The following PLCG2 variants were observed in gnomAD, a reference collection of about 807,000 sequenced individuals.
The protein encoded by PLCG2 is phospholipase C gamma 2.
In PLCG2, 69 loss-of-function variants were observed where a neutral mutation model predicts 175.6. The ratio of observed to expected loss-of-function variants is 0.39; its 90% confidence interval spans 0.32 to 0.48. The LOEUF (loss-of-function observed/expected upper bound fraction) is 0.48. Ranked by LOEUF, PLCG2 falls within the 20% of genes least tolerant of loss-of-function variation. The pLI is 0.91. For synonymous variants in PLCG2, 827 were observed against 624.0 expected (o/e 1.33, Z -4.85); for missense variants, 1,798 against 1,650.9 (o/e 1.09, Z -1.54).
In PLCG2 at chr16:81,959,092, T is replaced by C. The variant is rs190537581; in HGVS notation, c.*1094T>C. ...TACATACCAATAATGTAATATGGCT[T>C]TTTAAAGGAGAGGAGAGTGCTGGGT... On this transcript the variant is annotated 3_prime_UTR_variant, in exon 33 of 33. Coordinates refer to ENST00000564138, the MANE Select transcript of PLCG2 (RefSeq NM_002661.5). The C allele has an allele frequency of 1.4e-3, 314 of 223,478 alleles. No individual in the cohort carries two copies. The highest frequency in any genetic ancestry group is 6.7e-3 in the African/African-American group (300 of 44,892). 13.8% of individuals were successfully genotyped at this position (223,478 alleles called of 1,614,324 possible). A position where few individuals can be genotyped will look rare whatever the true frequency, so the allele number is the denominator to read the frequency against.
At chr16:81,880,749 G>A (rs769158973) in intron 7 of PLCG2, among the ~76,000 whole-genome samples, 161 bp from the exon 8 acceptor site, 3 of 152,128 alleles carry the variant, frequency 2.0e-5, no homozygotes, top group African/African-American at 7.2e-5. Context: ...TTAAGTTTCT[G>A]TTATATTTGA....
At chr16:81,888,304 G>C (rs1274033977) in intron 9 of PLCG2, among the ~76,000 whole-genome samples, 1 of 152,048 alleles carries the variant, frequency 6.6e-6, no homozygotes, top group Non-Finnish European at 1.5e-5. Flanking sequence ...TCCGCCTCTT[G>C]GGTTCAAGCA....
At chr16:81,751,955 G>GAGGTTGCAGTGAGCCGA (rs1192919621) in intron 1 of PLCG2, among the ~76,000 whole-genome samples, 4 of 152,108 alleles carry the variant, frequency 2.6e-5, no homozygotes, top group Non-Finnish European at 5.9e-5. Context: ...CTGGGAGGCG[G>GAGGTTGCAGTGAGCCGA]AGGTTGCAGT....
chr16:81,891,934 T>A (rs371591761), intron 11 of PLCG2, among the ~76,000 whole-genome samples: 1 of 152,212 alleles, frequency 6.6e-6, no homozygotes, highest in African/African-American at 2.4e-5. Context: ...ATTCAGTGAC[T>A]CATTGAATTG....
chr16:81,933,353 G>A (rs1910582382), intron 25 of PLCG2, among the ~76,000 whole-genome samples: 1 of 152,202 alleles, frequency 6.6e-6, no homozygotes. Flanking sequence ...TGGGAAACCA[G>A]CGGCGGATAA....
intron 3 of PLCG2, 91 bp from the exon 4 acceptor site, chr16:81,858,172 C>T (rs1214743813): frequency 5.6e-6 from 5 of 888,184 alleles, no homozygotes; most frequent in Non-Finnish European, 7.6e-6. Context: ...TAGGCTTCTC[C>T]CATCTTCGTG....
chr16:81,741,816 T>A (rs922963587), intron 1 of PLCG2, among the ~76,000 whole-genome samples: 2 of 152,000 alleles, frequency 1.3e-5, no homozygotes, highest in Non-Finnish European at 2.9e-5. Context: ...AAAAAAAAAA[T>A]GTATAATGAT....
intron 2 of PLCG2, among the ~76,000 whole-genome samples, chr16:81,820,585 T>C (rs1039884280): frequency 1.3e-5 from 2 of 151,820 alleles, no homozygotes; most frequent in African/African-American, 4.8e-5. Flanking sequence ...ATCTTGGGCA[T>C]ATCAGTTTTC....
intron 1 of PLCG2, chr16:81,785,652 G>A (rs1233498106): frequency 8.9e-6 from 2 of 224,420 alleles, no homozygotes; most frequent in African/African-American, 2.3e-5. Context: ...GATAAGAGTG[G>A]GTGGGGAGAG....
intron 2 of PLCG2, among the ~76,000 whole-genome samples, chr16:81,835,539 A>T (rs1905469007): frequency 6.6e-6 from 1 of 152,120 alleles, no homozygotes; most frequent in South Asian, 2.1e-4. Context: ...AGATTGTGCC[A>T]TTGCTCTCTA....
chr16:81,923,957 G>A (rs933019969), intron 22 of PLCG2, among the ~76,000 whole-genome samples: 3 of 152,086 alleles, frequency 2.0e-5, no homozygotes, highest in African/African-American at 7.2e-5. Flanking sequence ...CAAAAGATGC[G>A]GCAAATGAGA....
rs78025342 is a variant in PLCG2, at chr16:81,959,682, C to A, written c.*1684C>A. Reference sequence around the variant, plus strand: ...TCCTCTTAGTGGCAGATGTTCAAAGCAACTTTCAAGAAAGGCTAGGTGAGA... The same window carrying A: ...TCCTCTTAGTGGCAGATGTTCAAAGAAACTTTCAAGAAAGGCTAGGTGAGA... On this transcript the variant is annotated 3_prime_UTR_variant, in exon 33 of 33. Coordinates refer to ENST00000564138, the MANE Select transcript of PLCG2 (RefSeq NM_002661.5). The A allele has an allele frequency of 0.027, 5,085 of 185,702 alleles. 96 individuals are homozygous for A. The highest frequency in any genetic ancestry group is 0.048 in the South Asian group (244 of 5,094). 11.5% of individuals were successfully genotyped at this position (185,702 alleles called of 1,614,324 possible).
At chr16:81,859,393 G>T (rs1906847476) in intron 5 of PLCG2, 8 of 488,212 alleles carry the variant, frequency 1.6e-5, no homozygotes, top group Non-Finnish European at 2.2e-5. Context: ...GATGATCTCT[G>T]CCATGGGGCA....
In PLCG2 at chr16:81,756,130, G is replaced by A. The variant is rs143040462; in HGVS notation, c.-48+164G>A. ...CCACAGATAGGATGGCCATAAAGCA[G>A]GGTAGTAGAATTGTCATTATTCCGC... On this transcript the variant is annotated intron_variant, in intron 2 of 5. Transcript: ENST00000565054. Among the ~76,000 whole-genome samples, 538 of 152,360 alleles carry A rather than the reference G, an allele frequency of 3.5e-3. 3 individuals carry two copies. Among genetic ancestry groups the A allele is most frequent in the African/African-American group, 0.012 (512 of 41,596 alleles).
At chr16:81,845,709 C>T (rs1005562383) in intron 2 of PLCG2, among the ~76,000 whole-genome samples, 1 of 152,210 alleles carries the variant, frequency 6.6e-6, no homozygotes, top group Non-Finnish European at 1.5e-5. Flanking sequence ...GCTCTGCACC[C>T]CTGTGGGTAG....
At chr16:81,745,725 C>T (rs1909691472) in intron 1 of PLCG2, among the ~76,000 whole-genome samples, 1 of 152,212 alleles carries the variant, frequency 6.6e-6, no homozygotes, top group Non-Finnish European at 1.5e-5. Flanking sequence ...CTGTAAATCT[C>T]AGGTTCTGAC....
At chr16:81,938,939 C>G (rs186579455) in intron 29 of PLCG2, 24 bp downstream of exon 29, 4 of 1,407,734 alleles carry the variant, frequency 2.8e-6, no homozygotes, top group African/African-American at 1.4e-5. Context: ...CTTGGCCCCT[C>G]TGCTTTTAAA....
At chr16:81,860,830 G>C (rs960237653) in intron 5 of PLCG2, among the ~76,000 whole-genome samples, 3 of 151,962 alleles carry the variant, frequency 2.0e-5, no homozygotes, top group Non-Finnish European at 4.4e-5. Flanking sequence ...AATTAGCCAG[G>C]CATGGTAGCA....
In PLCG2 at chr16:81,938,711, C is replaced by G. The variant is rs145787269; in HGVS notation, c.3199-90C>G. ...AATTAGGGCTGGCATTGAACTCATC[C>G]AGTGTCACTCTAGAACCCAGCTGCA... On this transcript the variant is annotated intron_variant, in intron 28 of 32. Coordinates refer to ENST00000564138, the MANE Select transcript of PLCG2 (RefSeq NM_002661.5). The G allele has an allele frequency of 9.8e-6, 7 of 717,768 alleles. No homozygotes were observed. The African/African-American group carries it at 1.2e-4, about 13-fold the overall frequency. 44.5% of individuals were successfully genotyped at this position (717,768 alleles called of 1,614,324 possible).
Sources: allele counts gnomAD v4.1 joint callset (sites outside exome capture counted in the v4.1 genomes callset), GRCh38; gene constraint gnomAD v4.1.1; transcripts MANE v1.5; gene names NCBI Gene and HGNC (gene_info 2026-07-23, HGNC 2026-07-21).